The following BAAT variants were observed in gnomAD, a reference collection of about 807,000 sequenced individuals.
BAAT encodes bile acid CoA: amino acid N-acyltransferase (glycine N-choloyltransferase).
A neutral mutation model predicts 18.9 loss-of-function variants in BAAT; 13 were observed. That is an observed-to-expected ratio of 0.69 (90% CI 0.45 to 1.10). The LOEUF (loss-of-function observed/expected upper bound fraction) is 1.10, where lower values mean the gene tolerates loss of function less well. BAAT is among the 50% of genes least tolerant of loss of function. BAAT has a pLI of 0.00. For synonymous variants in BAAT, 170 were observed against 190.7 expected (o/e 0.89, Z 0.89); for missense variants, 489 against 504.0 (o/e 0.97, Z 0.28).
intron 1 of BAAT, among the ~76,000 whole-genome samples, chr9:101,381,168 G>A (rs754797552): frequency 5.3e-5 from 8 of 151,910 alleles, no homozygotes; most frequent in Non-Finnish European, 1.2e-4. Flanking sequence ...AATGGAAATG[G>A]GAGTTTAAAC....
intron 1 of BAAT, among the ~76,000 whole-genome samples, chr9:101,374,921 A>G (rs991185249): frequency 2.6e-5 from 4 of 152,096 alleles, no homozygotes; most frequent in Admixed American, 2.6e-4. Flanking sequence ...TCTGTGATGA[A>G]CTCTTCAAGC....
rs184121283 is a variant in BAAT, at chr9:101,377,723, C to T, written c.-59-6260G>A. Among the ~76,000 whole-genome samples the T allele has an allele frequency of 2.0e-3, 297 of 152,266 alleles. 1 individual carries two copies. Among genetic ancestry groups the T allele is most frequent in the African/African-American group, 6.7e-3 (279 of 41,554 alleles). ...ACAAGGATGTCCTCTCTCACCTCTC[C>T]TATTCAACAAAGTATTGGAAGTTCT... On this transcript the variant is annotated intron_variant, in intron 1 of 3. Transcript: ENST00000259407.
rs62577878 is a variant in BAAT, at chr9:101,371,835, C to T, written c.-59-372G>A. ...TTTGAAAATATGGTTATTTATTGAACGTTTATATATATATGAGACATTTGA... is the reference window on the plus strand; with the variant it reads ...TTTGAAAATATGGTTATTTATTGAATGTTTATATATATATGAGACATTTGA... On this transcript the variant is annotated intron_variant, in intron 1 of 3. Transcript: ENST00000259407. Among the ~76,000 whole-genome samples the T allele has an allele frequency of 9.1e-3, 1,380 of 152,004 alleles. 15 individuals carry two copies. Among genetic ancestry groups the T allele is most frequent in the Non-Finnish European group, 0.012 (826 of 67,988 alleles).
intron 1 of BAAT, among the ~76,000 whole-genome samples, chr9:101,382,866 C>T (rs1242641255): frequency 1.3e-5 from 2 of 152,182 alleles, no homozygotes; most frequent in East Asian, 3.8e-4. Context: ...TTAGCTCAAA[C>T]TTATACTTGC....
intron 1 of BAAT, among the ~76,000 whole-genome samples, chr9:101,383,217 T>C (rs1290130604): frequency 6.6e-6 from 1 of 152,124 alleles, no homozygotes; most frequent in Non-Finnish European, 1.5e-5. Context: ...AAATTTCAGC[T>C]CAATATCATC....
chr9:101,372,623 G>GTTTTTTTTTTTTTTTTTTGTTTTTT (rs5899439), intron 1 of BAAT, among the ~76,000 whole-genome samples: 1 of 134,262 alleles, frequency 7.4e-6, no homozygotes, highest in African/African-American at 2.8e-5. Context: ...GGGGTTGTTG[G>GTTTTTTTTTTTTTTTTTTGTTTTTT]TTTTTTTTTT....
At chr9:101,365,837 T>C (rs1248217015) in intron 3 of BAAT, among the ~76,000 whole-genome samples, 1 of 152,094 alleles carries the variant, frequency 6.6e-6, no homozygotes, top group Non-Finnish European at 1.5e-5. Context: ...CCTGGCCTAA[T>C]TTTTATTTTT....
intron 1 of BAAT, among the ~76,000 whole-genome samples, chr9:101,384,340 T>C (rs1458658527): frequency 1.3e-5 from 2 of 152,130 alleles, no homozygotes; most frequent in African/African-American, 4.8e-5. Flanking sequence ...TAACAGACAA[T>C]AGGACACAAT....
chr9:101,373,555 C>T (rs1258085088), intron 1 of BAAT, among the ~76,000 whole-genome samples: 1 of 152,190 alleles, frequency 6.6e-6, no homozygotes, highest in Non-Finnish European at 1.5e-5. Flanking sequence ...AAATGCAAGG[C>T]AGGCTGAACG....
chr9:101,378,438 A>G (rs184404292), intron 1 of BAAT, among the ~76,000 whole-genome samples: 7 of 152,300 alleles, frequency 4.6e-5, no homozygotes, highest in Non-Finnish European at 7.3e-5. Flanking sequence ...ATCTACAACC[A>G]TCTGATCTTT....
At chr9:101,381,364 A>G (rs1830130047) in intron 1 of BAAT, among the ~76,000 whole-genome samples, 1 of 151,930 alleles carries the variant, frequency 6.6e-6, no homozygotes, top group Non-Finnish European at 1.5e-5. Context: ...TCTACAAAAA[A>G]AAAGTAAAAA....
chr9:101,383,549 C>T (rs1473876040), intron 1 of BAAT: 1 of 152,182 alleles, frequency 6.6e-6, no homozygotes, highest in Non-Finnish European at 1.5e-5. Flanking sequence ...GCCCAGAAGG[C>T]CAAAACCTCA....
rs1165024168 is a variant in BAAT, at chr9:101,361,256, TTCC to T, written c.*1169_*1171del. On this transcript the variant is annotated 3_prime_UTR_variant, in exon 4 of 4. Transcript: ENST00000259407. Reference sequence around the variant, plus strand: ...CTAGATATTTAACTGACCCACTATATTCCTCAAGGATACTGCATTTGGACATAA... The same window carrying T: ...CTAGATATTTAACTGACCCACTATATTCAAGGATACTGCATTTGGACATAA... 3 of 154,100 alleles carry T rather than the reference TTCC, an allele frequency of 1.9e-5. No individual in the cohort carries two copies. Among genetic ancestry groups the T allele is most frequent in the Non-Finnish European group, 4.4e-5 (3 of 68,022 alleles). 9.5% of individuals were successfully genotyped at this position (154,100 alleles called of 1,614,324 possible).
Position 101,362,845 on chromosome 9 carries a change from A to T in BAAT, c.840T>A (p.His280Gln). The T allele has an allele frequency of 1.2e-6, 2 of 1,614,168 alleles. No individual in the cohort carries two copies. Among genetic ancestry groups the T allele is most frequent in the Non-Finnish European group, 1.7e-6 (2 of 1,180,024 alleles). ...CATTGGTGGATATTAATTGTGCAGA[A>T]TGGGGAAGGGGCTGATGGATCTGAC... ...YHGQIHQPLP[H>Q]SAQLISTNAL... Residue 280 changes from histidine to glutamine, a missense_variant, in exon 4 of 4, where the codon CAT becomes CAA. Transcript: ENST00000259407.
intron 1 of BAAT, 80 bp from the exon 2 acceptor site, chr9:101,371,543 A>C: frequency 1.2e-6 from 1 of 866,810 alleles, no homozygotes; most frequent in Non-Finnish European, 1.9e-6. Context: ...CAGCAGTCAG[A>C]CCACTTAGGA....
chr9:101,380,464 C>G (rs1830114553), intron 1 of BAAT, among the ~76,000 whole-genome samples: 1 of 152,110 alleles, frequency 6.6e-6, no homozygotes, highest in Non-Finnish European at 1.5e-5. Flanking sequence ...GCTCCCTTGG[C>G]CTTTGGGGGT....
At chr9:101,371,504 G>A (rs1346272190) in intron 1 of BAAT, 41 bp from the exon 2 acceptor site, 1 of 1,182,266 alleles carries the variant, frequency 8.5e-7, no homozygotes, top group East Asian at 2.5e-5. Context: ...ATAAAGTAGA[G>A]ATAAGGGTTG....
At chr9:101,381,944 C>T (rs1294889810) in intron 1 of BAAT, among the ~76,000 whole-genome samples, 3 of 152,172 alleles carry the variant, frequency 2.0e-5, no homozygotes, top group Non-Finnish European at 2.9e-5. Context: ...ACATTTCCAA[C>T]TCTTAGTCAA....
chr9:101,377,879 C>T (rs905268245), intron 1 of BAAT, among the ~76,000 whole-genome samples: 2 of 152,106 alleles, frequency 1.3e-5, no homozygotes, highest in Admixed American at 6.5e-5. Context: ...CTAAAAACTC[C>T]TTAAGCTGAT....
Sources: gnomAD v4.1 joint callset for allele counts (sites outside exome capture counted in the v4.1 genomes callset) on GRCh38, gnomAD v4.1.1 for gene constraint, MANE v1.5 for transcripts, NCBI Gene and HGNC (gene_info 2026-07-23, HGNC 2026-07-21) for gene names.